FSD1: variants seen among roughly 807,000 people sequenced by gnomAD.
FSD1 encodes fibronectin type III and SPRY domain-containing protein 1.
Under a neutral mutation model 58.2 loss-of-function variants are expected in FSD1, and 23 were observed. The ratio of observed to expected loss-of-function variants is 0.40; its 90% CI spans 0.28 to 0.56. The LOEUF is 0.56. FSD1 is among the 20% of genes least tolerant of loss of function. The pLI, the probability that FSD1 is intolerant of heterozygous loss-of-function variation, is 0.54. For synonymous variants in FSD1, 265 were observed against 263.4 expected, an observed-to-expected ratio of 1.01 and a Z score of -0.06; for missense variants, 563 against 670.8, an observed-to-expected ratio of 0.84 and a Z score of 1.78.
chr19:4,307,848 A>G, intron 3 of FSD1, 34 bp from the exon 4 acceptor site: 1 of 1,549,942 alleles, frequency 6.5e-7, no homozygotes, highest in Non-Finnish European at 8.9e-7. Flanking sequence ...CAGTGGGGTG[A>G]GTTGTCCCCT....
chr19:4,311,406 G>C (rs759745645), intron 6 of FSD1: 2 of 180,932 alleles, frequency 1.1e-5, no homozygotes, highest in Admixed American at 5.5e-5. Context: ...CCATGGCCGG[G>C]CGCGGTGACT....
Position 4,312,111 on chromosome 19 carries a change from G to A in FSD1, c.700+60G>A, listed in dbSNP as rs571360819. ...GAACAGCCACCTCTTCCAGCCTCCC[G>A]TCTCGCCATCAGTCACTGGGGGCCT... On this transcript the variant is annotated intron_variant, in intron 7 of 12. Transcript: ENST00000221856. 72 of 1,412,200 alleles carry A rather than the reference G, an allele frequency of 5.1e-5. 1 individual carries two copies. Among genetic ancestry groups the A allele is most frequent in the African/African-American group, 4.9e-4 (35 of 71,396 alleles). 87.5% of individuals were successfully genotyped at this position (1,412,200 alleles called of 1,614,324 possible).
At position 4,323,079 on chromosome 19, in the gene FSD1, T is replaced by A; in HGVS notation, c.1133T>A (p.Leu378Gln). ...GGCGTGGGCGTGGCCTACCGCAGCC[T>A]GGGCCGCTTCGAGCAACTGGGCAAG... ...AFGVGVAYRS[L>Q]GRFEQLGKTA... Residue 378 changes from leucine to glutamine, a missense_variant, in exon 11 of 13, where the codon CTG becomes CAG. Leu to Gln is a moderately radical substitution (Grantham distance 113). Transcript: ENST00000221856. This position sits in a 1 kb window ranked among gnomAD's most constrained non-coding sequence, Gnocchi z 7.7. 6.2e-7 allele frequency: 1 copy of A among 1,610,908 alleles called. No individual in the cohort carries two copies.
At chr19:4,308,318 G>A (rs1017735757) in intron 4 of FSD1, among the ~76,000 whole-genome samples, 1 of 152,222 alleles carries the variant, frequency 6.6e-6, no homozygotes, top group African/African-American at 2.4e-5. Context: ...TGAGGCGGGA[G>A]AATCGCTTGA....
At chr19:4,318,003 C>T (rs1971773162) in intron 8 of FSD1, among the ~76,000 whole-genome samples, 6 of 151,998 alleles carry the variant, frequency 3.9e-5, no homozygotes, top group Admixed American at 2.0e-4. Flanking sequence ...GGCGACAGAG[C>T]GAGACTCCAT....
chr19:4,309,844 G>A (rs1971668149), intron 4 of FSD1, among the ~76,000 whole-genome samples: 3 of 151,106 alleles, frequency 2.0e-5, no homozygotes, highest in Middle Eastern at 6.8e-3. Flanking sequence ...GGGAGGCGGA[G>A]CTTGCAGTGA....
intron 1 of FSD1, 108 bp downstream of exon 1, chr19:4,304,869 T>A: frequency 6.3e-6 from 3 of 476,888 alleles, no homozygotes; most frequent in Non-Finnish European, 9.1e-6. Context: ...CCCCAGCTGC[T>A]CTGCGGCTGA....
At chr19:4,310,416 C>T (rs1599535061) in intron 5 of FSD1, 59 bp from the exon 6 acceptor site, 9 of 1,604,034 alleles carry the variant, frequency 5.6e-6, no homozygotes, top group African/African-American at 1.3e-5. Flanking sequence ...GGGGCCCCCT[C>T]GCGCCACGGA....
At chr19:4,308,101 T>C (rs11669091) in intron 4 of FSD1, 118 bp downstream of exon 4, 462,199 of 737,984 alleles carry the variant, frequency 0.63, 146,055 homozygotes, top group South Asian at 0.7. Flanking sequence ...TTGGCAAAAG[T>C]ACATACTGAT....
At chr19:4,317,005 G>A (rs193244699) in intron 7 of FSD1, among the ~76,000 whole-genome samples, 177 bp from the exon 8 acceptor site, 2 of 152,134 alleles carry the variant, frequency 1.3e-5, no homozygotes, top group East Asian at 1.9e-4. Flanking sequence ...CATGCGCCTC[G>A]GCCTTCCAAA....
intron 7 of FSD1, among the ~76,000 whole-genome samples, chr19:4,314,805 G>A (rs373601891): frequency 6.6e-6 from 1 of 152,148 alleles, no homozygotes; most frequent in Admixed American, 6.6e-5. Context: ...AGTTTTACAC[G>A]CGCTCATTCG....
At chr19:4,315,878 C>T (rs1240686879) in intron 7 of FSD1, among the ~76,000 whole-genome samples, 1 of 150,022 alleles carries the variant, frequency 6.7e-6, no homozygotes, top group African/African-American at 2.5e-5. Context: ...ATCTGCCTGC[C>T]TCAGCCTCCC....
intron 10 of FSD1, among the ~76,000 whole-genome samples, chr19:4,319,547 T>C (rs117403274): frequency 0.017 from 2,616 of 152,076 alleles, 37 homozygotes; most frequent in Non-Finnish European, 0.027. Context: ...GAGGAAGTCA[T>C]TGTGGTCAGG....
At chr19:4,313,377 A>AG (rs1288494039) in intron 7 of FSD1, among the ~76,000 whole-genome samples, 1 of 151,084 alleles carries the variant, frequency 6.6e-6, no homozygotes, top group East Asian at 2.0e-4. Context: ...AAAAAAAAAA[A>AG]CAAAACCCAA....
intron 9 of FSD1, 143 bp from the exon 10 acceptor site, chr19:4,318,729 G>A: frequency 1.3e-6 from 1 of 760,478 alleles, no homozygotes; most frequent in Non-Finnish European, 2.3e-6. Context: ...AACATGAGGT[G>A]CTCGATATAT....
chr19:4,305,820 A>G (rs1427046916), intron 1 of FSD1, 126 bp from the exon 2 acceptor site: 1 of 720,564 alleles, frequency 1.4e-6, no homozygotes, highest in African/African-American at 1.7e-5. Flanking sequence ...GTGTGTGCGC[A>G]CGCGTGTGCA....
intron 4 of FSD1, among the ~76,000 whole-genome samples, chr19:4,309,585 T>C (rs979948486): frequency 6.6e-6 from 1 of 152,168 alleles, no homozygotes; most frequent in Non-Finnish European, 1.5e-5. Flanking sequence ...TCAGTCTTCA[T>C]GTCTGTAGAG....
chr19:4,308,982 G>A (rs932023981), intron 4 of FSD1, among the ~76,000 whole-genome samples: 1 of 152,218 alleles, frequency 6.6e-6, no homozygotes, highest in Non-Finnish European at 1.5e-5. Flanking sequence ...GGCTGAGGCA[G>A]GAGGATGGTG....
At chr19:4,320,969 G>A (rs1464504608) in intron 10 of FSD1, among the ~76,000 whole-genome samples, 1 of 149,114 alleles carries the variant, frequency 6.7e-6, no homozygotes, top group Admixed American at 6.7e-5. Context: ...GGACTGAGGA[G>A]TATCTGGGGG....
Sources: allele counts gnomAD v4.1 joint callset (sites outside exome capture counted in the v4.1 genomes callset), GRCh38; gene constraint gnomAD v4.1.1; non-coding constraint Gnocchi (gnomAD v3.1); transcripts MANE v1.5; gene names NCBI Gene and HGNC (gene_info 2026-07-23, HGNC 2026-07-21).